The following KCNMA1 variants were observed in gnomAD, a reference collection of about 807,000 sequenced individuals.
KCNMA1 encodes the protein potassium calcium-activated channel subfamily M alpha 1.
A neutral mutation model predicts 140.0 loss-of-function variants in KCNMA1; 29 were observed. That is an observed-to-expected ratio of 0.21 (90% CI 0.15 to 0.28). KCNMA1 has a LOEUF of 0.28. Ranked by LOEUF, KCNMA1 falls within the 10% of genes least tolerant of loss-of-function variation. The pLI is 1.00. For synonymous variants in KCNMA1, 612 were observed against 611.9 expected (o/e 1.00, Z 0.00); for missense variants, 880 against 1,602.2 (o/e 0.55, Z 7.70).
chr10:77,373,895 A>T (rs1208812224), intron 2 of KCNMA1: 1 of 152,242 alleles, frequency 6.6e-6, no homozygotes, highest in African/African-American at 2.4e-5. Context: ...TAGGTTGAAG[A>T]AGCATCTTTG....
At position 77,177,273 on chromosome 10, in the gene KCNMA1, C is replaced by A. The variant is rs149489187; in HGVS notation, c.808+6148G>T. Among the ~76,000 whole-genome samples, 906 of 151,644 alleles carry A rather than the reference C, an allele frequency of 6.0e-3. 6 individuals carry two copies. Among genetic ancestry groups the A allele is most frequent in the African/African-American group, 0.021 (856 of 41,354 alleles). ...TCCTTCCTTTCTTCCTTCCTTCTTT[C>A]CTTTCTTCCTTCCTTCTTTCCTTCC... On this transcript the variant is annotated intron_variant, in intron 5 of 27. Coordinates refer to ENST00000286628, the MANE Select transcript of KCNMA1 (RefSeq NM_001161352.2).
chr10:77,311,024 G>A (rs71475646), intron 2 of KCNMA1, among the ~76,000 whole-genome samples: 39,441 of 151,904 alleles, frequency 0.26, 6,470 homozygotes, highest in Non-Finnish European at 0.38. Context: ...ACCATTTTTG[G>A]CCACAGCTGC....
At chr10:77,388,600 T>C (rs951426689) in intron 2 of KCNMA1, among the ~76,000 whole-genome samples, 4 of 152,158 alleles carry the variant, frequency 2.6e-5, no homozygotes, top group African/African-American at 9.7e-5. Context: ...TTCAGGAAAG[T>C]GGATTGTTTT....
chr10:76,877,913 G>C (rs201298200), intron 29 of KCNMA1: 3 of 1,603,126 alleles, frequency 1.9e-6, no homozygotes, highest in Non-Finnish European at 2.6e-6. Context: ...AAAATGGATA[G>C]AGAACAAGAA....
chr10:76,923,234 A>G lies in KCNMA1; in HGVS notation c.2903-8185T>C, dbSNP rs548874677. On this transcript the variant is annotated intron_variant, in intron 23 of 27. Transcript: ENST00000286628. ...CAGCTCTTAGACAAGTCTCACACAC[A>G]TGAAACAAATATATTTACAGGACTT... Among the ~76,000 whole-genome samples, 7 of 152,282 alleles carry G rather than the reference A, an allele frequency of 4.6e-5. No individual in the cohort carries two copies. In the South Asian group the frequency reaches 1.4e-3, roughly 32 times the overall value.
chr10:77,518,082 C>T (rs982406137), intron 1 of KCNMA1, among the ~76,000 whole-genome samples: 3 of 152,144 alleles, frequency 2.0e-5, no homozygotes, highest in African/African-American at 7.2e-5. Flanking sequence ...CCTCAAAGAT[C>T]CCCCATAGTT....
chr10:76,908,197 T>C (rs1187190241), intron 25 of KCNMA1, among the ~76,000 whole-genome samples: 3 of 152,196 alleles, frequency 2.0e-5, no homozygotes, highest in Non-Finnish European at 4.4e-5. Flanking sequence ...ATGGTCTTCT[T>C]AGGAACACAT....
chr10:77,087,125 T>C (rs2096709919), intron 10 of KCNMA1, among the ~76,000 whole-genome samples: 1 of 152,200 alleles, frequency 6.6e-6, no homozygotes, highest in Non-Finnish European at 1.5e-5. Flanking sequence ...CTTTTGCTTC[T>C]TTCCTGCCGG....
At chr10:77,500,983 C>A (rs2043664711) in intron 1 of KCNMA1, among the ~76,000 whole-genome samples, 1 of 152,208 alleles carries the variant, frequency 6.6e-6, no homozygotes, top group Non-Finnish European at 1.5e-5. Flanking sequence ...CTATCGCAGA[C>A]CTGACCGAAA....
intron 1 of KCNMA1, among the ~76,000 whole-genome samples, chr10:77,457,624 T>G (rs1399566942): frequency 2.0e-5 from 3 of 152,150 alleles, no homozygotes; most frequent in Non-Finnish European, 4.4e-5. Context: ...CTTGGACACC[T>G]TTATAACTAG....
intron 14 of KCNMA1, among the ~76,000 whole-genome samples, chr10:77,049,436 A>G (rs532628817): frequency 3.3e-5 from 5 of 152,318 alleles, no homozygotes; most frequent in Admixed American, 2.6e-4. Flanking sequence ...ATGTGTGGTG[A>G]TTAGCATTAA....
At chr10:77,351,223 C>T (rs2092837180) in intron 2 of KCNMA1, among the ~76,000 whole-genome samples, 1 of 152,116 alleles carries the variant, frequency 6.6e-6, no homozygotes. Flanking sequence ...TGTTACCAGT[C>T]AACTCTGAGA....
intron 1 of KCNMA1, among the ~76,000 whole-genome samples, chr10:77,408,631 C>G (rs2096549258): frequency 6.6e-6 from 1 of 152,106 alleles, no homozygotes; most frequent in Non-Finnish European, 1.5e-5. Flanking sequence ...GGACAGGCCA[C>G]CAGATCTTCT....
chr10:77,085,267 C>T lies in KCNMA1; in HGVS notation c.1441-548G>A, dbSNP rs183909151. Among the ~76,000 whole-genome samples the T allele has an allele frequency of 2.2e-4, 33 of 152,122 alleles. 1 individual carries two copies. The highest frequency in any genetic ancestry group is 1.6e-3 in the Admixed American group (25 of 15,276). Reference sequence around the variant, plus strand: ...TAACATCACCATATTGCTTAGTATCCGATTAGTATTCAGATATTCAGAAGA... The same window carrying T: ...TAACATCACCATATTGCTTAGTATCTGATTAGTATTCAGATATTCAGAAGA... On this transcript the variant is annotated intron_variant, in intron 11 of 27. Transcript: ENST00000286628.
chr10:77,232,876 T>C (rs944234172), intron 3 of KCNMA1, among the ~76,000 whole-genome samples: 1 of 139,852 alleles, frequency 7.2e-6, no homozygotes, highest in Admixed American at 8.2e-5. Flanking sequence ...TATCTAGTTA[T>C]CCCAGCACCA....
intron 19 of KCNMA1, 79 bp downstream of exon 19, chr10:77,001,328 C>T: frequency 7.3e-7 from 1 of 1,364,240 alleles, no homozygotes; most frequent in Non-Finnish European, 1.0e-6. Context: ...TGACTCAGAA[C>T]CACAGGGCAC....
intron 1 of KCNMA1, among the ~76,000 whole-genome samples, chr10:77,538,630 G>A (rs539654073): frequency 2.6e-5 from 4 of 152,118 alleles, no homozygotes; most frequent in Non-Finnish European, 5.9e-5. Flanking sequence ...AGGCTAATAT[G>A]GAGTCCTCAA....
chr10:77,533,011 T>C (rs1380370494), intron 1 of KCNMA1, among the ~76,000 whole-genome samples: 1 of 152,248 alleles, frequency 6.6e-6, no homozygotes, highest in African/African-American at 2.4e-5. Context: ...ATAACTTTTA[T>C]TGAAGACTTT....
chr10:77,556,502 CAAAAAAAAAAAA>C (rs11446237), intron 1 of KCNMA1, among the ~76,000 whole-genome samples: 21 of 68,900 alleles, frequency 3.0e-4, no homozygotes, highest in African/African-American at 1.2e-3. Context: ...GGGACTATCT[CAAAAAAAAAAAA>C]AAAAAAAAAA....
Sources: gnomAD v4.1 joint callset for allele counts (sites outside exome capture counted in the v4.1 genomes callset) on GRCh38, gnomAD v4.1.1 for gene constraint, MANE v1.5 for transcripts, NCBI Gene and HGNC (gene_info 2026-07-23, HGNC 2026-07-21) for gene names.